Variants in HR observed in about 807,000 individuals in gnomAD.
The protein encoded by HR is HR lysine demethylase and nuclear receptor corepressor.
Under a neutral mutation model 128.6 loss-of-function variants are expected in HR, and 83 were observed. The observed-to-expected ratio is 0.65, with a 90% CI of 0.54 to 0.77. HR has a LOEUF of 0.77. Among genes scored for constraint, HR ranks in the 30% least tolerant of loss-of-function variants. The pLI, the probability that HR is intolerant of heterozygous loss-of-function variation, is 0.00. For missense variants in HR, 1,490 were observed against 1,574.6 expected, an observed-to-expected ratio of 0.95 and a Z score of 0.91; for synonymous variants, 681 against 658.2, an observed-to-expected ratio of 1.03 and a Z score of -0.53.
chr8:22,126,762 C>T (rs549344817), intron 3 of HR, among the ~76,000 whole-genome samples: 15 of 152,340 alleles, frequency 9.8e-5, no homozygotes, highest in Admixed American at 6.5e-4. Context: ...AAGTCAGGGA[C>T]GAGGCACTCT....
Position 22,117,128 on chromosome 8 carries a change from G to A in HR, c.3214-89C>T, listed in dbSNP as rs377045929. ...GGCATGGACTTTCCAGAGGCCAGGG[G>A]TGGAGAAAAGAGCCGAAGGGTCAAG... On this transcript the variant is annotated intron_variant, in intron 16 of 18. Coordinates refer to ENST00000381418, the MANE Select transcript of HR (RefSeq NM_005144.5). 1.4e-5 allele frequency: 18 copies of A among 1,311,380 alleles called. No homozygotes were observed. The African/African-American group carries it at 1.9e-4, about 14-fold the overall frequency. 81.2% of individuals were successfully genotyped at this position (1,311,380 alleles called of 1,614,324 possible). A position where few individuals can be genotyped will look rare whatever the true frequency, so the allele number is the denominator to read the frequency against.
Position 22,117,023 on chromosome 8 carries a change from G to A in HR, c.3230C>T (p.Ala1077Val). ...TGGGGCGCCAGGCTCCAGGGCGCCT[G>A]CCCCGGCCGGGCACACCTCAAAGAA... Reference protein sequence around the residue: ...RFLQMVCPAGAGALEPGAPGS... With the variant: ...RFLQMVCPAGVGALEPGAPGS... The change falls in exon 17 of 19, where the codon GCA becomes GTA. Residue 1077 changes from alanine (A) to valine (V), a missense_variant. Transcript: ENST00000381418. 1 of 1,509,652 alleles carries A rather than the reference G, an allele frequency of 6.6e-7. No individual in the cohort carries two copies. 93.5% of individuals were successfully genotyped at this position (1,509,652 alleles called of 1,614,324 possible). A position where few individuals can be genotyped will look rare whatever the true frequency, so the allele number is the denominator to read the frequency against.
Position 22,127,188 on chromosome 8 carries a change from C to T in HR, c.1254G>A (p.Glu418=), listed in dbSNP as rs150370094. 1.9e-6 allele frequency: 3 copies of T among 1,612,858 alleles called. No homozygotes were observed. The highest frequency in any genetic ancestry group is 1.1e-5 in the South Asian group (1 of 91,084). ...LRALKRAGSP[E]VQGAMGSPAP... The stretch of plus-strand genomic sequence containing the variant: ...CTGGACTGCCCATTGCTCCCTGGAC[C>T]TCGGGGCTGCCTGCCCTTTTGAGGG... Residue 418 remains glutamate, a synonymous_variant, in exon 3 of 19, where the codon GAG becomes GAA. Coordinates refer to ENST00000381418, the MANE Select transcript of HR (RefSeq NM_005144.5).
chr8:22,125,878 G>T, intron 3 of HR, 146 bp from the exon 4 acceptor site: 2 of 930,144 alleles, frequency 2.2e-6, no homozygotes, highest in Non-Finnish European at 3.2e-6. Flanking sequence ...GAACCAGCAA[G>T]AGTGGACCAG....
intron 5 of HR, 73 bp downstream of exon 5, chr8:22,125,238 G>A (rs1826853498): frequency 6.8e-7 from 1 of 1,466,232 alleles, no homozygotes; most frequent in Non-Finnish European, 9.3e-7. Context: ...TGGCAGTGTG[G>A]GTGGGGTCAG....
At position 22,116,966 on chromosome 8, in the gene HR, C is replaced by T. The variant is rs765617795; in HGVS notation, c.3287G>A (p.Arg1096Gln). The change falls in exon 17 of 19, where the codon CGG (arginine) becomes CAG (glutamine). Residue 1096 changes from arginine to glutamine, a missense_variant. Physicochemically the swap from Arg to Gln is conservative, Grantham distance 43. This residue lies in a region of HR where 423 missense variants were observed against 495.9 expected (regional missense o/e 0.85). Coordinates refer to ENST00000381418, the MANE Select transcript of HR (RefSeq NM_005144.5). This position sits in a 1 kb window ranked among gnomAD's most constrained non-coding sequence, Gnocchi z 4.2. ...GSCYLDAGLR[R>Q]RLREEWGVSC... ...CACGCCCCACTCCTCCCGCAGGCGC[C>T]GCCGCAGCCCTGCATCCAGGTAGCA... 3.4e-5 allele frequency: 52 copies of T among 1,536,862 alleles called. No individual in the cohort carries two copies. Among genetic ancestry groups the T allele is most frequent in the Non-Finnish European group, 4.3e-5 (49 of 1,146,432 alleles).
intron 5 of HR, 21 bp downstream of exon 5, chr8:22,125,290 G>A (rs747031763): frequency 6.4e-7 from 1 of 1,554,540 alleles, no homozygotes; most frequent in Non-Finnish European, 8.7e-7. Context: ...ACCCCACGCA[G>A]ACCCAGGAGG....
At chr8:22,123,617 T>TGTCC in intron 6 of HR, 32 bp downstream of exon 6, 12 of 292,092 alleles carry the variant, frequency 4.1e-5, no homozygotes, top group South Asian at 1.2e-4. Context: ...GAGGGCTCCA[T>TGTCC]CCCGCCCTCC....
rs1202142775 is a variant in HR, at chr8:22,118,007, T to C, written c.3213+943A>G. On this transcript the variant is annotated intron_variant, in intron 16 of 18. Coordinates refer to ENST00000381418, the MANE Select transcript of HR (RefSeq NM_005144.5). Reference sequence around the variant, plus strand: ...CCCCGTGAGTCACTGGGTTGGGCCGTAGTGACTGCCCACGGCCAGCCACAC... The same window carrying C: ...CCCCGTGAGTCACTGGGTTGGGCCGCAGTGACTGCCCACGGCCAGCCACAC... 4 of 152,320 alleles carry C rather than the reference T, an allele frequency of 2.6e-5. No homozygotes were observed. The East Asian group carries it at 7.7e-4, about 30-fold the overall frequency. The allele number at this position is 152,320 out of a possible 1,614,324, so 9.4% of individuals were successfully genotyped here.
intron 1 of HR, among the ~76,000 whole-genome samples, chr8:22,130,053 G>T (rs1029882364): frequency 6.6e-6 from 1 of 152,248 alleles, no homozygotes; most frequent in Non-Finnish European, 1.5e-5. Flanking sequence ...GCCTGGCGGG[G>T]AGGGGAGAGG....
rs1360253597 is a variant in HR at position 22,130,541 on chromosome 8, G to C, written c.-154C>G. 1 of 152,258 alleles carries C rather than the reference G, an allele frequency of 6.6e-6. No homozygotes were observed. The highest frequency in any genetic ancestry group is 1.5e-5 in the Non-Finnish European group (1 of 68,070). The allele number at this position is 152,258 out of a possible 1,614,324, so 9.4% of individuals were successfully genotyped here. A position where few individuals can be genotyped will look rare whatever the true frequency, so the allele number is the denominator to read the frequency against. On this transcript the variant is annotated 5_prime_UTR_variant, in exon 1 of 19. Coordinates refer to ENST00000381418, the MANE Select transcript of HR (RefSeq NM_005144.5). The stretch of plus-strand genomic sequence containing the variant: ...CCTCCCGGCCGGCGGGCGAGGACGC[G>C]TTCTCCCGCTCTGTCTGCTCAGCGC...
chr8:22,118,917 G>A, intron 16 of HR, 33 bp downstream of exon 16: 2 of 1,572,428 alleles, frequency 1.3e-6, no homozygotes, highest in Non-Finnish European at 1.7e-6. Flanking sequence ...GGCTGGGCGG[G>A]GGGAAGGGGA....
chr8:22,125,611 C>G lies in HR; in HGVS notation c.1527G>C (p.Gly509=), dbSNP rs73549518. The stretch of plus-strand genomic sequence containing the variant: ...GCACTTGCTGAGAGTGGCAGGCGTG[C>G]CCTCCTCCCTCTCCAGCTGCCTGGG... The part of the protein sequence containing the change: ...SCAQAAGEGG[G]HACHSQQVRR... The change falls in exon 4 of 19, where the codon GGG becomes GGC. Residue 509 remains glycine, a synonymous_variant. Coordinates refer to ENST00000381418, the MANE Select transcript of HR (RefSeq NM_005144.5). 6.2e-7 allele frequency: 1 copy of G among 1,605,534 alleles called. No individual in the cohort carries two copies.
chr8:22,119,926 C>A (rs761145304), intron 13 of HR, 36 bp from the exon 14 acceptor site: 1 of 1,612,240 alleles, frequency 6.2e-7, no homozygotes, highest in Non-Finnish European at 8.5e-7. Context: ...GCAGGCCCAA[C>A]CTGGGCACCA....
chr8:22,128,012 T>C lies in HR; in HGVS notation c.613-183A>G, dbSNP rs373843894. 6.5e-5 allele frequency: 44 copies of C among 672,260 alleles called. No individual in the cohort carries two copies. In the East Asian group the frequency reaches 8.5e-4, roughly 13 times the overall value. 41.6% of individuals were successfully genotyped at this position (672,260 alleles called of 1,614,324 possible). On this transcript the variant is annotated intron_variant, in intron 2 of 18. Transcript: ENST00000381418. ...CACTGTCCTGGCAACCCCCACCTCCTCCCCCAGGATTTCTCAGACGTCCCC... is the reference window on the plus strand; with the variant it reads ...CACTGTCCTGGCAACCCCCACCTCCCCCCCCAGGATTTCTCAGACGTCCCC...
chr8:22,119,431 C>A, intron 14 of HR, 148 bp from the exon 15 acceptor site: 1 of 1,193,990 alleles, frequency 8.4e-7, no homozygotes, highest in Non-Finnish European at 1.2e-6. Context: ...CATGGAGAAA[C>A]CCCCTCTCTA....
At chr8:22,122,004 T>C (rs2131757545) in intron 8 of HR, among the ~76,000 whole-genome samples, 1 of 152,348 alleles carries the variant, frequency 6.6e-6, no homozygotes, top group East Asian at 1.9e-4. Context: ...TTTTCCACAA[T>C]GGGTATATAA....
At position 22,115,541 on chromosome 8, in the gene HR, G is replaced by T; in HGVS notation, c.*159C>A. Reference sequence around the variant, plus strand: ...GTGGCACTGTGGTTGTTGGCTTAAGGGGGAGGGGAACAGAGTGCCCTGCTT... The same window carrying T: ...GTGGCACTGTGGTTGTTGGCTTAAGTGGGAGGGGAACAGAGTGCCCTGCTT... On this transcript the variant is annotated 3_prime_UTR_variant, in exon 19 of 19. Transcript: ENST00000381418. 1 of 695,160 alleles carries T rather than the reference G, an allele frequency of 1.4e-6. No individual in the cohort carries two copies. The allele number at this position is 695,160 out of a possible 1,614,324, so 43.1% of individuals were successfully genotyped here.
intron 7 of HR, 29 bp from the exon 8 acceptor site, chr8:22,122,637 G>A (rs1826784618): frequency 3.2e-6 from 5 of 1,569,642 alleles, no homozygotes; most frequent in East Asian, 2.3e-5. Flanking sequence ...AGGAGAGGGA[G>A]GTTGGTGGTG....
Sources: gnomAD v4.1 joint callset for allele counts (sites outside exome capture counted in the v4.1 genomes callset) on GRCh38, gnomAD v4.1.1 for gene constraint, gnomAD v4.1.1 regional missense constraint, Gnocchi (gnomAD v3.1) non-coding constraint, MANE v1.5 for transcripts, NCBI Gene and HGNC (gene_info 2026-07-23, HGNC 2026-07-21) for gene names.